ITGB3BP: variants seen among roughly 807,000 people sequenced by gnomAD.
ITGB3BP encodes integrin subunit beta 3 binding protein, also known as centromere protein R.
ITGB3BP carries 27 observed loss-of-function variants against 29.1 expected under a neutral mutation model. That is an observed-to-expected ratio of 0.93 (90% CI 0.68 to 1.28). ITGB3BP has a LOEUF of 1.28. ITGB3BP is among the 50% of genes most tolerant of loss of function. The probability of loss-of-function intolerance (pLI) is 0.00; values close to 1 mark genes in which losing one functional copy is unlikely to be tolerated. For synonymous variants in ITGB3BP, 61 were observed against 61.4 expected, an observed-to-expected ratio of 0.99 and a Z score of 0.03; for missense variants, 192 against 200.2, an observed-to-expected ratio of 0.96 and a Z score of 0.25.
chr1:63,528,527 T>TA (rs1187108438), intron 2 of ITGB3BP, among the ~76,000 whole-genome samples: 2 of 151,694 alleles, frequency 1.3e-5, no homozygotes, highest in Non-Finnish European at 2.9e-5. Flanking sequence ...GTGACACTAG[T>TA]AAAAAAAATC....
rs1644762280 is a variant in ITGB3BP at position 63,444,297 on chromosome 1, C to A, written c.*1+2509G>T. ...ACACTAAATGTTGCACGTTCATTTA[C>A]TAAATGTGTAACTGTGACGATGTAT... On this transcript the variant is annotated intron_variant, in intron 8 of 8. Transcript: ENST00000271002. Among the ~76,000 whole-genome samples, 4 of 152,042 alleles carry A rather than the reference C, an allele frequency of 2.6e-5. No homozygotes were observed. The South Asian group carries it at 6.2e-4, about 24-fold the overall frequency.
chr1:63,479,133 G>C (rs569870820), intron 3 of ITGB3BP, among the ~76,000 whole-genome samples: 75 of 152,070 alleles, frequency 4.9e-4, no homozygotes, highest in African/African-American at 1.8e-3. Context: ...AACTTTATTA[G>C]ATAAAGGATA....
rs201084126 is a variant in ITGB3BP, at chr1:63,446,840, G to C, written c.501C>G (p.Asp167Glu). The C allele has an allele frequency of 1.3e-5, 21 of 1,610,602 alleles. No homozygotes were observed. In the Admixed American group the frequency reaches 2.7e-4, roughly 20 times the overall value. Reference protein sequence around the residue: ...GLPHKASRHLDSYEFLKAILN With the variant: ...GLPHKASRHLESYEFLKAILN The stretch of plus-strand genomic sequence containing the variant: ...AAATGGCTTTAAGGAATTCATAGCT[G>C]TCAAGATGACGTGATGCTATATGAA... Residue 167 changes from aspartate to glutamate, a missense_variant, in exon 8 of 9, where the codon GAC (aspartate) becomes GAG (glutamate). Physicochemically the swap from Asp to Glu is conservative, Grantham distance 45. Transcript: ENST00000271002.
chr1:63,493,997 A>G (rs1003492784), intron 2 of ITGB3BP, among the ~76,000 whole-genome samples: 4 of 152,204 alleles, frequency 2.6e-5, no homozygotes, highest in South Asian at 2.1e-4. Context: ...AGGCTATTGG[A>G]GTGTCCCACC....
rs1263051153 is a variant in ITGB3BP at position 63,453,981 on chromosome 1, GA to G, written c.428-8del. On this transcript the variant is annotated splice_region_variant and splice_polypyrimidine_tract_variant and intron_variant, in intron 6 of 8. Transcript: ENST00000271002. ...TGTTTATTCACTTTTGTCACTAAAA[GA>G]AGTAAAAATCCCATGTCAAGAATTA... is the stretch of plus-strand genomic sequence containing the variant. 1 of 1,540,098 alleles carries G rather than the reference GA, an allele frequency of 6.5e-7. No individual in the cohort carries two copies. The highest frequency in any genetic ancestry group is 2.3e-5 in the East Asian group (1 of 43,894).
chr1:63,507,210 GCTAAATCAACTGGTACTA>G (rs1402541473), intron 2 of ITGB3BP, among the ~76,000 whole-genome samples: 2 of 152,192 alleles, frequency 1.3e-5, no homozygotes, highest in East Asian at 3.8e-4. Flanking sequence ...GTAGTACCAA[GCTAAATCAACTGGTACTA>G]CTAAATCAGT....
chr1:63,479,892 G>C (rs1645407994), intron 3 of ITGB3BP, among the ~76,000 whole-genome samples: 1 of 152,036 alleles, frequency 6.6e-6, no homozygotes, highest in Non-Finnish European at 1.5e-5. Context: ...TGTGAATAAT[G>C]GTGCAATGAA....
intron 2 of ITGB3BP, among the ~76,000 whole-genome samples, chr1:63,528,780 ATAT>A (rs1436767987): frequency 1.3e-5 from 2 of 152,170 alleles, no homozygotes; most frequent in African/African-American, 4.8e-5. Flanking sequence ...ATTTTATATA[ATAT>A]TCATTGTCAT....
At chr1:63,479,754 T>C (rs891150596) in intron 3 of ITGB3BP, among the ~76,000 whole-genome samples, 5 of 152,158 alleles carry the variant, frequency 3.3e-5, no homozygotes, top group African/African-American at 7.2e-5. Flanking sequence ...GGTTCATTCA[T>C]GTTGTCCCAA....
At chr1:63,487,356 TGGA>T (rs550913720) in intron 3 of ITGB3BP, among the ~76,000 whole-genome samples, 3 of 151,992 alleles carry the variant, frequency 2.0e-5, no homozygotes, top group East Asian at 1.9e-4. Flanking sequence ...TGCTATGGGT[TGGA>T]GGAGGGCAGC....
At chr1:63,500,958 T>C (rs1645913675) in intron 2 of ITGB3BP, among the ~76,000 whole-genome samples, 1 of 152,172 alleles carries the variant, frequency 6.6e-6, no homozygotes, top group South Asian at 2.1e-4. Flanking sequence ...AACACATATA[T>C]ATAGATAGAC....
chr1:63,523,268 G>T, upstream of ITGB3BP: 1 of 1,185,034 alleles, frequency 8.4e-7, no homozygotes, highest in Non-Finnish European at 1.2e-6. Flanking sequence ...ACCGCGGCCG[G>T]GCGGAAACAT....
At chr1:63,525,894 A>T (rs1646580651), upstream of ITGB3BP, 2 of 606,642 alleles carry the variant, frequency 3.3e-6, no homozygotes, top group Non-Finnish European at 5.6e-6. Flanking sequence ...AACTACAGTA[A>T]GCTATTATGT....
At chr1:63,485,428 CTT>C (rs34768095) in intron 3 of ITGB3BP, among the ~76,000 whole-genome samples, 2 of 149,342 alleles carry the variant, frequency 1.3e-5, no homozygotes, top group African/African-American at 2.5e-5. Flanking sequence ...AATTGTTTGA[CTT>C]TTTTTTTTCA....
At chr1:63,488,437 T>C (rs866595583) in intron 3 of ITGB3BP, among the ~76,000 whole-genome samples, 2 of 152,008 alleles carry the variant, frequency 1.3e-5, no homozygotes, top group African/African-American at 2.4e-5. Context: ...TCCTTGAAAA[T>C]GTAATTTAAA....
At chr1:63,446,183 G>A (rs1195616853) in intron 8 of ITGB3BP, among the ~76,000 whole-genome samples, 1 of 152,172 alleles carries the variant, frequency 6.6e-6, no homozygotes, top group Non-Finnish European at 1.5e-5. Context: ...ACAGGCGTGA[G>A]CCACCATGCC....
chr1:63,503,943 G>A (rs1258029035), intron 2 of ITGB3BP, among the ~76,000 whole-genome samples: 1 of 152,002 alleles, frequency 6.6e-6, no homozygotes, highest in East Asian at 1.9e-4. Flanking sequence ...AAGTCAGGTA[G>A]CGTGATGCCT....
At chr1:63,504,009 T>A (rs1169451550) in intron 2 of ITGB3BP, among the ~76,000 whole-genome samples, 1 of 151,830 alleles carries the variant, frequency 6.6e-6, no homozygotes, top group Non-Finnish European at 1.5e-5. Context: ...CTTTTTTGGT[T>A]CCATATGAAC....
At chr1:63,526,498 G>A (rs1340706398), upstream of ITGB3BP, among the ~76,000 whole-genome samples, 3 of 152,156 alleles carry the variant, frequency 2.0e-5, no homozygotes, top group African/African-American at 7.2e-5. Flanking sequence ...ACATATTTGT[G>A]CAGCAGTGTC....
Sources: allele counts gnomAD v4.1 joint callset (sites outside exome capture counted in the v4.1 genomes callset), GRCh38; gene constraint gnomAD v4.1.1; transcripts MANE v1.5; gene names NCBI Gene and HGNC (gene_info 2026-07-23, HGNC 2026-07-21).